Variants in FGFR1 observed in about 807,000 individuals in gnomAD.
FGFR1 encodes the protein fibroblast growth factor receptor 1.
A neutral mutation model predicts 93.7 loss-of-function variants in FGFR1; 18 were observed. The observed-to-expected ratio is 0.19, with a 90% CI of 0.13 to 0.28. FGFR1 has a LOEUF of 0.28. Ranked by LOEUF, FGFR1 falls within the 10% of genes least tolerant of loss-of-function variation. The probability of loss-of-function intolerance (pLI) is 1.00; values close to 1 mark genes in which losing one functional copy is unlikely to be tolerated. For synonymous variants in FGFR1, 448 were observed against 429.3 expected (o/e 1.04, Z -0.54); for missense variants, 731 against 1,080.4 (o/e 0.68, Z 4.53).
In FGFR1 at chr8:38,419,613, C is replaced by T. The variant is rs2150708599; in HGVS notation, c.1204G>A (p.Gly402Ser). The T allele has an allele frequency of 6.2e-7, 1 of 1,614,058 alleles. No homozygotes were observed. The highest frequency in any genetic ancestry group is 8.5e-7 in the Non-Finnish European group (1 of 1,180,004). ...CTGTGGAAGTCACTCTTCTTGGTAC[C>T]ACTCTTCATCTTGTAGACGATGACC... is the stretch of plus-strand genomic sequence containing the variant. The part of the protein sequence containing the change: ...GSVIVYKMKS[G>S]TKKSDFHSQM... Residue 402 changes from glycine to serine, a missense_variant, in exon 9 of 18, where the codon GGT becomes AGT. By Grantham distance (56) the Gly-to-Ser change is moderately conservative. Transcript: ENST00000447712.
chr8:38,463,876 G>A (rs993598482), intron 1 of FGFR1, among the ~76,000 whole-genome samples: 3 of 152,002 alleles, frequency 2.0e-5, no homozygotes, highest in Non-Finnish European at 4.4e-5. Context: ...GAGGGCAGGG[G>A]GCAAGTACTT....
In FGFR1 at chr8:38,414,244, G is replaced by C. The variant is rs770115570; in HGVS notation, c.2094C>G (p.Gly698=). 3.7e-6 allele frequency: 6 copies of C among 1,614,148 alleles called. No homozygotes were observed. The South Asian group carries it at 6.6e-5, about 18-fold the overall frequency. ...VLLWEIFTLG[G]SPYPGVPVEE... ...CCACAGGCACACCGGGGTATGGGGA[G>C]CCGCCCAGAGTGAAGATCTCCCACA... The change falls in exon 16 of 18, where the codon GGC becomes GGG. Residue 698 remains glycine, a synonymous_variant. Transcript: ENST00000447712.
chr8:38,427,778 T>C lies in FGFR1; in HGVS notation c.621+143A>G, dbSNP rs531616856. Reference sequence around the variant, plus strand: ...AAGAAATGTTTAAACTTTATTTGCATTTTTTTGTATTTAAAAATTTTAATG... The same window carrying C: ...AAGAAATGTTTAAACTTTATTTGCACTTTTTTGTATTTAAAAATTTTAATG... On this transcript the variant is annotated intron_variant, in intron 5 of 17. Transcript: ENST00000447712. The C allele has an allele frequency of 1.9e-4, 164 of 852,356 alleles. 2 individuals carry two copies. The South Asian group carries it at 2.0e-3, about 10-fold the overall frequency. 52.8% of individuals were successfully genotyped at this position (852,356 alleles called of 1,614,324 possible).
rs1200256665 is a variant in FGFR1 at position 38,411,905 on chromosome 8, G to C, written c.*1723C>G. The stretch of plus-strand genomic sequence containing the variant: ...CTGGTCACATGGATACAGGAAGGAC[G>C]ATCTGGGGAGGCATACCAACAAGAA... On this transcript the variant is annotated 3_prime_UTR_variant, in exon 18 of 18. Coordinates refer to ENST00000447712, the MANE Select transcript of FGFR1 (RefSeq NM_023110.3). 2 of 229,080 alleles carry C rather than the reference G, an allele frequency of 8.7e-6. No individual in the cohort carries two copies. The highest frequency in any genetic ancestry group is 4.4e-5 in the African/African-American group (2 of 45,108). The allele number at this position is 229,080 out of a possible 1,614,324, so 14.2% of individuals were successfully genotyped here. A position where few individuals can be genotyped will look rare whatever the true frequency, so the allele number is the denominator to read the frequency against.
In FGFR1 at chr8:38,468,393, C is replaced by T. The variant is rs533636493; in HGVS notation, c.-501G>A. 1 of 228,442 alleles carries T rather than the reference C, an allele frequency of 4.4e-6. No homozygotes were observed. The highest frequency in any genetic ancestry group is 1.8e-4 in the South Asian group (1 of 5,498). 14.2% of individuals were successfully genotyped at this position (228,442 alleles called of 1,614,324 possible). ...CCCTGCGGGGCGCCCCGAGCTCGGA[C>T]CGGAGAAAAGTCCTTGGGTTCCGCG... On this transcript the variant is annotated 5_prime_UTR_variant, in exon 1 of 18. Coordinates refer to ENST00000447712, the MANE Select transcript of FGFR1 (RefSeq NM_023110.3).
intron 2 of FGFR1, among the ~76,000 whole-genome samples, chr8:38,451,339 T>G (rs139964765): frequency 6.6e-6 from 1 of 150,806 alleles, no homozygotes; most frequent in African/African-American, 2.4e-5. Flanking sequence ...ACAGGTCTGA[T>G]AGTGGAACAG....
chr8:38,415,953 G>A lies in FGFR1; in HGVS notation c.1771C>T (p.Pro591Ser), dbSNP rs2150585866. The change falls in exon 13 of 18, where the codon CCA (proline) becomes TCA (serine). Residue 591 changes from proline (P) to serine (S), a missense_variant. Physicochemically the swap from Pro to Ser is moderately conservative, Grantham distance 74. Transcript: ENST00000447712. ...LEYCYNPSHN[P>S]EEQLSSKDLV... is the part of the protein sequence containing the mutation. ...TCCTTGGAGGAGAGCTGCTCCTCTGGGTTGTGGCTGGGGTTGTAGCAGTAT... is the reference window on the plus strand; with the variant it reads ...TCCTTGGAGGAGAGCTGCTCCTCTGAGTTGTGGCTGGGGTTGTAGCAGTAT... 6.2e-7 allele frequency: 1 copy of A among 1,614,098 alleles called. No individual in the cohort carries two copies. The highest frequency in any genetic ancestry group is 8.5e-7 in the Non-Finnish European group (1 of 1,180,018).
intron 2 of FGFR1, among the ~76,000 whole-genome samples, chr8:38,443,108 G>A (rs1828068383): frequency 6.6e-6 from 1 of 152,222 alleles, no homozygotes. Context: ...GGGAGAAGGG[G>A]GAGTTAGCGT....
rs904793829 is a variant in FGFR1, at chr8:38,412,914, C to T, written c.*714G>A. On this transcript the variant is annotated 3_prime_UTR_variant, in exon 18 of 18. Transcript: ENST00000447712. ...TCCCAGCCACCAGGAGCATCTTACC[C>T]GATGGGTAAATCTCTGGTAACGACC... 1.1e-4 allele frequency: 25 copies of T among 233,460 alleles called. No individual in the cohort carries two copies. The highest frequency in any genetic ancestry group is 1.6e-4 in the Non-Finnish European group (19 of 117,990). The allele number at this position is 233,460 out of a possible 1,614,324, so 14.5% of individuals were successfully genotyped here. A position where few individuals can be genotyped will look rare whatever the true frequency, so the allele number is the denominator to read the frequency against.
intron 2 of FGFR1, among the ~76,000 whole-genome samples, chr8:38,447,098 AACACACACACACACACACAC>A (rs57917657): frequency 0.012 from 1,555 of 133,368 alleles, 15 homozygotes; most frequent in Non-Finnish European, 0.014. Context: ...ACTGCAAGCA[AACACACACACACACACACAC>A]ACACACACAC....
chr8:38,437,037 CGCCCG>C, intron 2 of FGFR1, among the ~76,000 whole-genome samples: 1 of 152,152 alleles, frequency 6.6e-6, no homozygotes, highest in South Asian at 2.1e-4. Context: ...AGCGCCACCA[CGCCCG>C]GCTAATTTTG....
At chr8:38,439,136 T>A (rs1220641937) in intron 2 of FGFR1, among the ~76,000 whole-genome samples, 3 of 152,106 alleles carry the variant, frequency 2.0e-5, no homozygotes, top group African/African-American at 7.2e-5. Flanking sequence ...TTCCTTCCCA[T>A]TTAAACATGG....
rs1292915279 is a variant in FGFR1 at position 38,460,989 on chromosome 8, T to A, written c.-88-3455A>T. On this transcript the variant is annotated intron_variant, in intron 1 of 17. Coordinates refer to ENST00000447712, the MANE Select transcript of FGFR1 (RefSeq NM_023110.3). ...TTCCCCCCGCCCCGTCTCTCCAATA[T>A]CAGCTAGGCTCCTGGGATTCATGCC... 2.1e-6 allele frequency: 3 copies of A among 1,421,414 alleles called. No individual in the cohort carries two copies. In the African/African-American group the frequency reaches 4.3e-5, roughly 20 times the overall value. The allele number at this position is 1,421,414 out of a possible 1,614,324, so 88.1% of individuals were successfully genotyped here.
intron 11 of FGFR1, 140 bp downstream of exon 11, chr8:38,417,730 A>G: frequency 8.5e-7 from 1 of 1,175,580 alleles, no homozygotes; most frequent in Non-Finnish European, 1.3e-6. Context: ...CACCCCCTCC[A>G]CTCCCAGGTA....
At chr8:38,440,391 G>A in intron 2 of FGFR1, 34 of 1,566,560 alleles carry the variant, frequency 2.2e-5, no homozygotes, top group Non-Finnish European at 2.8e-5. Flanking sequence ...GGTTTGGGTG[G>A]AGAGAGCCCC....
chr8:38,420,420 A>G (rs1002462653), intron 8 of FGFR1: 13 of 152,276 alleles, frequency 8.5e-5, no homozygotes, highest in African/African-American at 3.1e-4. Context: ...ATTTCCAAAA[A>G]TAAGCTTTTT....
chr8:38,424,395 C>A lies in FGFR1; in HGVS notation c.936+114G>T, dbSNP rs148435610. The A allele has an allele frequency of 8.8e-5, 97 of 1,096,572 alleles. 1 individual carries two copies. The South Asian group carries it at 9.4e-4, about 11-fold the overall frequency. The allele number at this position is 1,096,572 out of a possible 1,614,324, so 67.9% of individuals were successfully genotyped here. Reference sequence around the variant, plus strand: ...TGAGATGGAGTGTGTGTGCCTGAAGCGTGAGGAATGATCCCATTCGGGGGC... The same window carrying A: ...TGAGATGGAGTGTGTGTGCCTGAAGAGTGAGGAATGATCCCATTCGGGGGC... On this transcript the variant is annotated intron_variant, in intron 7 of 17. Transcript: ENST00000447712. The surrounding 1 kb of genome is among the most constrained non-coding windows in gnomAD (Gnocchi z 4.3).
In FGFR1 at chr8:38,418,409, G is replaced by C. The variant is rs756501869; in HGVS notation, c.1285-36C>G. The C allele has an allele frequency of 5.0e-6, 8 of 1,602,520 alleles. No homozygotes were observed. The African/African-American group carries it at 9.4e-5, about 19-fold the overall frequency. ...GAGTGGGGTCACCCTAGAGCAAGGA[G>C]GGGGGACGGGGTGACTCCTTCCCAT... On this transcript the variant is annotated intron_variant, in intron 9 of 17. Coordinates refer to ENST00000447712, the MANE Select transcript of FGFR1 (RefSeq NM_023110.3).
intron 2 of FGFR1, among the ~76,000 whole-genome samples, chr8:38,445,019 C>CT (rs2151174002): frequency 6.6e-6 from 1 of 152,280 alleles, no homozygotes; most frequent in East Asian, 1.9e-4. Flanking sequence ...GTCACCTCCC[C>CT]TCTCAAGCCT....
Sources: allele counts gnomAD v4.1 joint callset (sites outside exome capture counted in the v4.1 genomes callset), GRCh38; gene constraint gnomAD v4.1.1; non-coding constraint Gnocchi (gnomAD v3.1); transcripts MANE v1.5; gene names NCBI Gene and HGNC (gene_info 2026-07-23, HGNC 2026-07-21).